HGSNAT: variants seen among roughly 807,000 people sequenced by gnomAD.
The protein encoded by HGSNAT is heparan-alpha-glucosaminide N-acetyltransferase, also known as transmembrane protein 76.
HGSNAT carries 59 observed loss-of-function variants against 85.2 expected under a neutral mutation model. The observed-to-expected ratio is 0.69, with a 90% CI of 0.56 to 0.86. The LOEUF is 0.86. HGSNAT is among the 40% of genes least tolerant of loss of function. The pLI is 0.00. For synonymous variants in HGSNAT, 321 were observed against 304.5 expected (o/e 1.05, Z -0.56); for missense variants, 756 against 777.1 (o/e 0.97, Z 0.32).
intron 11 of HGSNAT, among the ~76,000 whole-genome samples, chr8:43,187,815 G>C (rs899696864): frequency 6.6e-6 from 1 of 152,172 alleles, no homozygotes; most frequent in Non-Finnish European, 1.5e-5. Flanking sequence ...GCTTCCTTGA[G>C]GAGCTCTTGT....
At chr8:43,169,326 A>C in intron 6 of HGSNAT, 84 bp downstream of exon 6, 3 of 901,700 alleles carry the variant, frequency 3.3e-6, no homozygotes, top group Admixed American at 2.6e-5. Flanking sequence ...ATTATTGTCC[A>C]GTTTTATGTT....
chr8:43,169,867 C>T (rs1185234210), intron 6 of HGSNAT, among the ~76,000 whole-genome samples: 1 of 152,182 alleles, frequency 6.6e-6, no homozygotes, highest in Non-Finnish European at 1.5e-5. Flanking sequence ...GTTGCCCAGG[C>T]TGGAGTTCAG....
At chr8:43,173,456 C>A (rs926393073) in intron 8 of HGSNAT, among the ~76,000 whole-genome samples, 4 of 151,894 alleles carry the variant, frequency 2.6e-5, no homozygotes, top group African/African-American at 7.3e-5. Flanking sequence ...ATTACAGGTG[C>A]CCGCCACCAC....
chr8:43,155,284 T>C (rs1053675980), intron 2 of HGSNAT, among the ~76,000 whole-genome samples: 3 of 152,170 alleles, frequency 2.0e-5, no homozygotes, highest in Non-Finnish European at 2.9e-5. Flanking sequence ...AATAACTGAG[T>C]TGAGGTGATA....
At chr8:43,193,210 G>A (rs532399225) in intron 13 of HGSNAT, among the ~76,000 whole-genome samples, 1 of 152,174 alleles carries the variant, frequency 6.6e-6, no homozygotes, top group Non-Finnish European at 1.5e-5. Flanking sequence ...GAGGAATGAA[G>A]GTTTTGTGCT....
At position 43,196,468 on chromosome 8, in the gene HGSNAT, G is replaced by A. The variant is rs746827099; in HGVS notation, c.1465-480G>A. 3.6e-5 allele frequency: 46 copies of A among 1,289,468 alleles called. No homozygotes were observed. In the South Asian group the frequency reaches 4.6e-4, roughly 13 times the overall value. 79.9% of individuals were successfully genotyped at this position (1,289,468 alleles called of 1,614,324 possible). A position where few individuals can be genotyped will look rare whatever the true frequency, so the allele number is the denominator to read the frequency against. On this transcript the variant is annotated intron_variant, in intron 14 of 17. Coordinates refer to ENST00000379644, the MANE Select transcript of HGSNAT (RefSeq NM_152419.3). ...GGGTCACCAAACAGGCCTGTCTGAC[G>A]GAACCCTTGTCACCTTTGTGGAGAA... is the stretch of plus-strand genomic sequence containing the variant.
intron 2 of HGSNAT, among the ~76,000 whole-genome samples, chr8:43,150,341 C>T (rs1309627380): frequency 6.6e-6 from 1 of 152,026 alleles, no homozygotes; most frequent in Non-Finnish European, 1.5e-5. Flanking sequence ...AAAAAGAAGA[C>T]TGAGCCCTGC....
intron 9 of HGSNAT, 87 bp from the exon 10 acceptor site, chr8:43,177,987 C>T: frequency 1.9e-6 from 2 of 1,074,802 alleles, no homozygotes; most frequent in East Asian, 4.7e-5. Context: ...ATGGTTGCTT[C>T]TCTTTTATAG....
At chr8:43,140,989 G>A (rs898172954) in intron 1 of HGSNAT, among the ~76,000 whole-genome samples, 2 of 152,228 alleles carry the variant, frequency 1.3e-5, no homozygotes, top group East Asian at 3.9e-4. Flanking sequence ...CGAGGATCGG[G>A]GGGGCTCGGA....
intron 11 of HGSNAT, among the ~76,000 whole-genome samples, chr8:43,184,482 T>G (rs2130788752): frequency 6.6e-6 from 1 of 152,342 alleles, no homozygotes; most frequent in South Asian, 2.1e-4. Flanking sequence ...TTGATGGGGT[T>G]GTTTGATTTC....
chr8:43,162,860 A>G (rs527659760), intron 5 of HGSNAT, among the ~76,000 whole-genome samples: 45 of 151,972 alleles, frequency 3.0e-4, no homozygotes, highest in Non-Finnish European at 6.5e-4. Context: ...ATGAGTCACC[A>G]CACCTGGTCA....
intron 2 of HGSNAT, among the ~76,000 whole-genome samples, chr8:43,150,175 G>C (rs1298556293): frequency 6.6e-6 from 1 of 152,010 alleles, no homozygotes; most frequent in Non-Finnish European, 1.5e-5. Flanking sequence ...CGCTGGTCCT[G>C]AACTCCTGAC....
At chr8:43,161,261 T>C (rs1803256624) in intron 4 of HGSNAT, among the ~76,000 whole-genome samples, 177 bp from the exon 5 acceptor site, 1 of 152,152 alleles carries the variant, frequency 6.6e-6, no homozygotes, top group African/African-American at 2.4e-5. Context: ...TTGTTTATGT[T>C]TGATATTTTT....
At chr8:43,155,631 T>C (rs555053393) in intron 2 of HGSNAT, among the ~76,000 whole-genome samples, 22 of 152,302 alleles carry the variant, frequency 1.4e-4, no homozygotes, top group African/African-American at 5.3e-4. Context: ...TTGCTTCTGT[T>C]ACCTATGCAC....
At chr8:43,163,003 G>C (rs1330187218) in intron 5 of HGSNAT, among the ~76,000 whole-genome samples, 1 of 152,098 alleles carries the variant, frequency 6.6e-6, no homozygotes, top group Non-Finnish European at 1.5e-5. Context: ...CTGGTAACAT[G>C]ATGAAATCCC....
intron 5 of HGSNAT, among the ~76,000 whole-genome samples, chr8:43,163,598 C>T (rs1238550739): frequency 2.7e-5 from 4 of 150,626 alleles, no homozygotes; most frequent in Non-Finnish European, 5.9e-5. Flanking sequence ...GCGATCTCTG[C>T]TCGCTGCAAC....
chr8:43,170,726 C>T, intron 7 of HGSNAT, 32 bp downstream of exon 7: 1 of 1,321,008 alleles, frequency 7.6e-7, no homozygotes, highest in Non-Finnish European at 1.1e-6. Flanking sequence ...ACAGTGGGTG[C>T]AGGTAGTCAC....
At position 43,202,718 on chromosome 8, in the gene HGSNAT, A is replaced by C. The variant is rs1040923057; in HGVS notation, c.*3149A>C. On this transcript the variant is annotated 3_prime_UTR_variant, in exon 18 of 18. Transcript: ENST00000379644. ...AAGGGGCATCTTTTATAAATGCATA[A>C]TAACCCAGTTTGTATCAAAGGGTAT... The C allele has an allele frequency of 1.3e-5, 2 of 152,270 alleles. No homozygotes were observed. Among genetic ancestry groups the C allele is most frequent in the African/African-American group, 4.8e-5 (2 of 41,478 alleles). The allele number at this position is 152,270 out of a possible 1,614,324, so 9.4% of individuals were successfully genotyped here.
At chr8:43,161,162 A>G (rs1803254111) in intron 4 of HGSNAT, among the ~76,000 whole-genome samples, 1 of 152,170 alleles carries the variant, frequency 6.6e-6, no homozygotes, top group Non-Finnish European at 1.5e-5. Context: ...GTGGGTAGTT[A>G]TAGATGAAGC....
Sources: gnomAD v4.1 joint callset for allele counts (sites outside exome capture counted in the v4.1 genomes callset) on GRCh38, gnomAD v4.1.1 for gene constraint, MANE v1.5 for transcripts, NCBI Gene and HGNC (gene_info 2026-07-23, HGNC 2026-07-21) for gene names.